The following FLRT3 variants were observed in gnomAD, a reference collection of about 807,000 sequenced individuals.
FLRT3 encodes leucine-rich repeat transmembrane protein FLRT3.
A neutral mutation model predicts 42.6 loss-of-function variants in FLRT3; 17 were observed. The ratio of observed to expected loss-of-function variants is 0.40; its 90% CI spans 0.27 to 0.60. The LOEUF (loss-of-function observed/expected upper bound fraction) is 0.60, where lower values mean the gene tolerates loss of function less well. FLRT3 is among the 20% of genes least tolerant of loss of function. The pLI, the probability that FLRT3 is intolerant of heterozygous loss-of-function variation, is 0.44. For synonymous variants in FLRT3, 279 were observed against 286.4 expected, an observed-to-expected ratio of 0.97 and a Z score of 0.26; for missense variants, 635 against 789.2, an observed-to-expected ratio of 0.80 and a Z score of 2.34.
In FLRT3 at chr20:14,327,391, G is replaced by A. The variant is rs111786150; in HGVS notation, c.116C>T (p.Ala39Val). The A allele has an allele frequency of 2.5e-6, 4 of 1,613,646 alleles. No homozygotes were observed. Among genetic ancestry groups the A allele is most frequent in the South Asian group, 1.1e-5 (1 of 91,074 alleles). The change falls in exon 3 of 3, where the codon GCG becomes GTG. Residue 39 changes from alanine to valine, a missense_variant. Transcript: ENST00000341420. ...KSCPSVCRCD[A>V]GFIYCNDRFL... Reference sequence around the variant, plus strand: ...GCGATCATTACAGTAAATGAAACCCGCATCGCAGCGACACACAGATGGACA... The same window carrying A: ...GCGATCATTACAGTAAATGAAACCCACATCGCAGCGACACACAGATGGACA...
chr20:14,325,950 T>C lies in FLRT3; in HGVS notation c.1557A>G (p.Lys519=). ...GTAAATTGGGGTTTTTGTAAGGTTC[T>C]TTCTCTTGCTCTCGATTGAGGGTGG... ...PTTTLNREQE[K]EPYKNPNLPL... is the part of the protein sequence containing the mutation. Residue 519 remains lysine (K), a synonymous_variant, in exon 3 of 3, where the codon AAA becomes AAG. Transcript: ENST00000341420. 6.2e-7 allele frequency: 1 copy of C among 1,613,944 alleles called. No individual in the cohort carries two copies. The highest frequency in any genetic ancestry group is 8.5e-7 in the Non-Finnish European group (1 of 1,179,898).
intron 2 of FLRT3, 148 bp from the exon 3 acceptor site, chr20:14,327,706 C>T: frequency 1.8e-6 from 1 of 561,718 alleles, no homozygotes; most frequent in Non-Finnish European, 3.0e-6. Flanking sequence ...GGGTTTATTG[C>T]TAGCTAACAA....
At chr20:14,335,252 G>T (rs1419158276) in intron 1 of FLRT3, among the ~76,000 whole-genome samples, 1 of 152,152 alleles carries the variant, frequency 6.6e-6, no homozygotes, top group African/African-American at 2.4e-5. Context: ...TTAGGGTCTT[G>T]TGTCCCTAGG....
At position 14,326,296 on chromosome 20, in the gene FLRT3, C is replaced by T; in HGVS notation, c.1211G>A (p.Gly404Glu). 1 of 1,613,832 alleles carries T rather than the reference C, an allele frequency of 6.2e-7. No homozygotes were observed. ...TGTAATTGTTTTTCTTGAGGGACTCCCTGTGGTTTGGTGATCCTTAGTGAG... is the reference window on the plus strand; with the variant it reads ...TGTAATTGTTTTTCTTGAGGGACTCTCTGTGGTTTGGTGATCCTTAGTGAG... ...PKLTKDHQTT[G>E]SPSRKTITIT... Residue 404 changes from glycine (G) to glutamate (E), a missense_variant, in exon 3 of 3, where the codon GGG (glycine) becomes GAG (glutamate). By Grantham distance (98) the Gly-to-Glu change is moderately conservative. Coordinates refer to ENST00000341420, the MANE Select transcript of FLRT3 (RefSeq NM_198391.3). The surrounding 1 kb of genome is among the most constrained non-coding windows in gnomAD (Gnocchi z 5.5).
At chr20:14,327,737 CTT>C (rs2082761465) in intron 2 of FLRT3, among the ~76,000 whole-genome samples, 179 bp from the exon 3 acceptor site, 1 of 152,120 alleles carries the variant, frequency 6.6e-6, no homozygotes, top group South Asian at 2.1e-4. Context: ...CATATAATCT[CTT>C]TACCTTAATG....
rs1433706346 is a variant in FLRT3 at position 14,324,939 on chromosome 20, G to A, written c.*618C>T. On this transcript the variant is annotated 3_prime_UTR_variant, in exon 3 of 3. Transcript: ENST00000341420. ...AGAAGATATGCTTAACTTTTTTAAG[G>A]ATAATTAATTTGCCTAGAGCAAAAA... The A allele has an allele frequency of 6.6e-6, 1 of 152,500 alleles. No individual in the cohort carries two copies. Among genetic ancestry groups the A allele is most frequent in the African/African-American group, 2.4e-5 (1 of 41,408 alleles). 9.4% of individuals were successfully genotyped at this position (152,500 alleles called of 1,614,324 possible).
At position 14,325,316 on chromosome 20, in the gene FLRT3, C is replaced by G. The variant is rs921386082; in HGVS notation, c.*241G>C. On this transcript the variant is annotated 3_prime_UTR_variant, in exon 3 of 3. Coordinates refer to ENST00000341420, the MANE Select transcript of FLRT3 (RefSeq NM_198391.3). ...TGCAAGGAAAATACAGTACAAATTACTAAAAAATACTAAAATATAGAATTG... is the reference window on the plus strand; with the variant it reads ...TGCAAGGAAAATACAGTACAAATTAGTAAAAAATACTAAAATATAGAATTG... 2.8e-6 allele frequency: 1 copy of G among 363,268 alleles called. No homozygotes were observed. The highest frequency in any genetic ancestry group is 4.9e-6 in the Non-Finnish European group (1 of 205,026). 22.5% of individuals were successfully genotyped at this position (363,268 alleles called of 1,614,324 possible). A position where few individuals can be genotyped will look rare whatever the true frequency, so the allele number is the denominator to read the frequency against.
At chr20:14,334,850 C>T (rs1479795641) in intron 1 of FLRT3, among the ~76,000 whole-genome samples, 2 of 151,092 alleles carry the variant, frequency 1.3e-5, no homozygotes, top group East Asian at 3.9e-4. Flanking sequence ...GGGATCTATT[C>T]AGAATTTTTA....
chr20:14,325,791 C>T lies in FLRT3; in HGVS notation c.1716G>A (p.Lys572=). ...TAGTGCCAGCTTCTGCATAGTCATC[C>T]TTTCTTCTCCTCCCTTTGCTATATG... ...NCAYSKGRRR[K]DDYAEAGTKK... The change falls in exon 3 of 3, where the codon AAG becomes AAA. Residue 572 remains lysine (K), a synonymous_variant. Transcript: ENST00000341420. The T allele has an allele frequency of 6.2e-7, 1 of 1,613,904 alleles. No individual in the cohort carries two copies. The highest frequency in any genetic ancestry group is 8.5e-7 in the Non-Finnish European group (1 of 1,179,858).
rs79021659 is a variant in FLRT3 at position 14,330,599 on chromosome 20, G to A, written c.-246-1272C>T. ...CAACATGGTCATAGGCTATATTAACGGAAGAAAAGTGAAAACAATTACAGA... is the reference window on the plus strand; with the variant it reads ...CAACATGGTCATAGGCTATATTAACAGAAGAAAAGTGAAAACAATTACAGA... On this transcript the variant is annotated intron_variant, in intron 1 of 2. Coordinates refer to ENST00000341420, the MANE Select transcript of FLRT3 (RefSeq NM_198391.3). Among the ~76,000 whole-genome samples the A allele has an allele frequency of 9.4e-3, 1,434 of 152,096 alleles. 8 individuals carry two copies. Among genetic ancestry groups the A allele is most frequent in the Middle Eastern group, 0.02 (6 of 294 alleles).
rs563753076 is a variant in FLRT3, at chr20:14,324,230, T to C, written c.*1327A>G. 11 of 152,550 alleles carry C rather than the reference T, an allele frequency of 7.2e-5. No individual in the cohort carries two copies. In the South Asian group the frequency reaches 2.3e-3, roughly 32 times the overall value. 9.4% of individuals were successfully genotyped at this position (152,550 alleles called of 1,614,324 possible). A position where few individuals can be genotyped will look rare whatever the true frequency, so the allele number is the denominator to read the frequency against. On this transcript the variant is annotated 3_prime_UTR_variant, in exon 3 of 3. Transcript: ENST00000341420. ...TTTTAAAAGCTGAATACATGTAGCG[T>C]TGGATCAAGGCACATACAAGACTGG...
At chr20:14,332,993 A>G (rs1481192305) in intron 1 of FLRT3, among the ~76,000 whole-genome samples, 6 of 152,098 alleles carry the variant, frequency 3.9e-5, no homozygotes, top group African/African-American at 1.4e-4. Context: ...TGACAGCAAA[A>G]TGCTTTCTAA....
At chr20:14,327,755 T>C (rs1020232990) in intron 2 of FLRT3, among the ~76,000 whole-genome samples, 197 bp from the exon 3 acceptor site, 5 of 152,166 alleles carry the variant, frequency 3.3e-5, no homozygotes, top group Non-Finnish European at 5.9e-5. Flanking sequence ...TAATGGTTTC[T>C]TAATTTCTTT....
chr20:14,327,677 T>C, intron 2 of FLRT3, 119 bp from the exon 3 acceptor site: 3 of 750,636 alleles, frequency 4.0e-6, no homozygotes, highest in Non-Finnish European at 6.1e-6. Context: ...TTTCATTTGT[T>C]TTGGGAGGGG....
At chr20:14,337,194 A>C (rs934105948) in intron 1 of FLRT3, among the ~76,000 whole-genome samples, 5 of 152,164 alleles carry the variant, frequency 3.3e-5, no homozygotes, top group Non-Finnish European at 5.9e-5. Flanking sequence ...ATCTTTTATA[A>C]ATGAAAGAAG....
At chr20:14,329,954 T>C (rs138413597) in intron 1 of FLRT3, among the ~76,000 whole-genome samples, 86 of 152,148 alleles carry the variant, frequency 5.7e-4, no homozygotes, top group African/African-American at 1.9e-3. Context: ...ACTCAGGTGT[T>C]CTTGCCCAAA....
Position 14,327,528 on chromosome 20 carries a change from T to G in FLRT3, c.-22A>C. The stretch of plus-strand genomic sequence containing the variant: ...TCATGGTCAGCAGTGTTGAGGTCTT[T>G]ATACAAGGTAGCTTCCGTTACTTCA... On this transcript the variant is annotated 5_prime_UTR_variant, in exon 3 of 3. Coordinates refer to ENST00000341420, the MANE Select transcript of FLRT3 (RefSeq NM_198391.3). 1 of 1,580,420 alleles carries G rather than the reference T, an allele frequency of 6.3e-7. No individual in the cohort carries two copies. Among genetic ancestry groups the G allele is most frequent in the Non-Finnish European group, 8.6e-7 (1 of 1,164,418 alleles).
At chr20:14,329,989 A>G (rs549306546) in intron 1 of FLRT3, among the ~76,000 whole-genome samples, 1 of 152,068 alleles carries the variant, frequency 6.6e-6, no homozygotes, top group South Asian at 2.1e-4. Context: ...TTCAAGTCAT[A>G]TTTAGTTTTT....
chr20:14,335,943 T>A (rs1160415061), intron 1 of FLRT3, among the ~76,000 whole-genome samples: 2 of 152,194 alleles, frequency 1.3e-5, no homozygotes, highest in Non-Finnish European at 2.9e-5. Flanking sequence ...TGGCATATTA[T>A]CATTAATATT....
Sources: allele counts gnomAD v4.1 joint callset (sites outside exome capture counted in the v4.1 genomes callset), GRCh38; gene constraint gnomAD v4.1.1; non-coding constraint Gnocchi (gnomAD v3.1); transcripts MANE v1.5; gene names NCBI Gene and HGNC (gene_info 2026-07-23, HGNC 2026-07-21).